Variants in BOC observed in about 807,000 individuals in gnomAD.
BOC encodes BOC cell adhesion associated, oncogene regulated, also known as brother of CDO.
Under a neutral mutation model 112.0 loss-of-function variants are expected in BOC, and 76 were observed. The ratio of observed to expected loss-of-function variants is 0.68; its 90% CI spans 0.56 to 0.82. The LOEUF (loss-of-function observed/expected upper bound fraction) is 0.82, where lower values mean the gene tolerates loss of function less well. Ranked by LOEUF, BOC falls within the 40% of genes least tolerant of loss-of-function variation. The probability of loss-of-function intolerance (pLI) is 0.00; values close to 1 mark genes in which losing one functional copy is unlikely to be tolerated. For synonymous variants in BOC, 580 were observed against 599.8 expected (o/e 0.97, Z 0.48); for missense variants, 1,309 against 1,511.7 (o/e 0.87, Z 2.22).
intron 1 of BOC, 106 bp downstream of exon 1, chr3:113,212,122 A>C (rs1346981606): frequency 6.6e-6 from 1 of 151,526 alleles, no homozygotes; most frequent in African/African-American, 2.4e-5. Flanking sequence ...AGGCAGCGCC[A>C]GCGAGTGGCT....
intron 2 of BOC, among the ~76,000 whole-genome samples, chr3:113,229,533 G>C (rs978618906): frequency 6.6e-6 from 1 of 152,146 alleles, no homozygotes; most frequent in Non-Finnish European, 1.5e-5. Context: ...TGTAGAGGCC[G>C]CCTTGGCCCC....
intron 2 of BOC, among the ~76,000 whole-genome samples, chr3:113,235,438 T>C (rs1943296669): frequency 6.6e-6 from 1 of 152,170 alleles, no homozygotes; most frequent in Non-Finnish European, 1.5e-5. Flanking sequence ...TATAGGGGTA[T>C]GTTTTCCTTT....
chr3:113,250,287 A>G (rs1455499769), intron 3 of BOC, among the ~76,000 whole-genome samples: 1 of 152,228 alleles, frequency 6.6e-6, no homozygotes, highest in African/African-American at 2.4e-5. Context: ...CTAGAGTCAC[A>G]TGGCTCAGAA....
intron 4 of BOC, among the ~76,000 whole-genome samples, chr3:113,254,002 G>A (rs74414190): frequency 0.031 from 4,694 of 152,276 alleles, 124 homozygotes; most frequent in Admixed American, 0.06. Context: ...TTGGAGAGTG[G>A]AAGATTTATC....
At chr3:113,284,264 C>T in intron 16 of BOC, 71 bp from the exon 17 acceptor site, 1 of 1,343,708 alleles carries the variant, frequency 7.4e-7, no homozygotes, top group Non-Finnish European at 1.1e-6. Context: ...TCCTGAGATC[C>T]TTGTGGGGCT....
chr3:113,278,881 A>G lies in BOC; in HGVS notation c.1816+98A>G. 9.6e-7 allele frequency: 1 copy of G among 1,038,842 alleles called. No individual in the cohort carries two copies. The highest frequency in any genetic ancestry group is 1.4e-5 in the South Asian group (1 of 69,746). 64.4% of individuals were successfully genotyped at this position (1,038,842 alleles called of 1,614,324 possible). Reference sequence around the variant, plus strand: ...AATGGGGTCTTGCTTCTGTAGGTCCAGGGTTTTTATGACATCTCCCAGTTA... The same window carrying G: ...AATGGGGTCTTGCTTCTGTAGGTCCGGGGTTTTTATGACATCTCCCAGTTA... On this transcript the variant is annotated intron_variant, in intron 11 of 19. Coordinates refer to ENST00000682979, the MANE Select transcript of BOC (RefSeq NM_001378074.1). This position sits in a 1 kb window ranked among gnomAD's most constrained non-coding sequence, Gnocchi z 4.2.
intron 2 of BOC, among the ~76,000 whole-genome samples, chr3:113,217,636 G>A (rs563165087): frequency 2.6e-5 from 4 of 152,232 alleles, no homozygotes; most frequent in Admixed American, 2.0e-4. Context: ...GGGACCAATA[G>A]TACCAAAGTG....
chr3:113,246,511 A>G lies in BOC; in HGVS notation c.-81-3211A>G, dbSNP rs149548192. Among the ~76,000 whole-genome samples, 935 of 152,358 alleles carry G rather than the reference A, an allele frequency of 6.1e-3. 12 individuals are homozygous for G. Among genetic ancestry groups the G allele is most frequent in the African/African-American group, 0.022 (903 of 41,578 alleles). ...AAACATTAAAATAAAGTTCTCAGGT[A>G]ACTGAAATCTCTAGAATTATCTTTC... On this transcript the variant is annotated intron_variant, in intron 2 of 19. Coordinates refer to ENST00000682979, the MANE Select transcript of BOC (RefSeq NM_001378074.1).
At chr3:113,232,428 A>C (rs564582920) in intron 2 of BOC, among the ~76,000 whole-genome samples, 1 of 152,332 alleles carries the variant, frequency 6.6e-6, no homozygotes, top group East Asian at 1.9e-4. Flanking sequence ...GAAGTTGGGG[A>C]CTGAATGTGT....
intron 4 of BOC, among the ~76,000 whole-genome samples, chr3:113,254,696 G>C (rs1181179104): frequency 6.6e-6 from 1 of 152,212 alleles, no homozygotes; most frequent in Non-Finnish European, 1.5e-5. Context: ...TCTTCTCCAC[G>C]CTGTCCCATG....
chr3:113,283,928 C>G (rs1949430278), intron 16 of BOC, among the ~76,000 whole-genome samples: 1 of 152,108 alleles, frequency 6.6e-6, no homozygotes, highest in Admixed American at 6.5e-5. Context: ...TTCCTACTTA[C>G]AGTCCATCCT....
At chr3:113,280,841 C>T (rs1035262132) in intron 14 of BOC, among the ~76,000 whole-genome samples, 178 bp downstream of exon 14, 4 of 152,150 alleles carry the variant, frequency 2.6e-5, no homozygotes, top group African/African-American at 9.7e-5. Flanking sequence ...ACTTCATGAA[C>T]CCATGTGATG....
intron 2 of BOC, among the ~76,000 whole-genome samples, chr3:113,249,327 G>A (rs1428316665): frequency 6.6e-6 from 1 of 152,192 alleles, no homozygotes; most frequent in East Asian, 1.9e-4. Context: ...CTGGCCTTTT[G>A]CAAGCAAATG....
rs11455670 is a variant in BOC, at chr3:113,260,667, T to TAGAACAGAACAGAAC, written c.377-7592_377-7578dup. 5.5e-4 allele frequency among the ~76,000 whole-genome samples: 69 copies of TAGAACAGAACAGAAC among 126,406 alleles called. 1 individual carries two copies. Among genetic ancestry groups the TAGAACAGAACAGAAC allele is most frequent in the African/African-American group, 6.7e-4 (21 of 31,354 alleles). The allele number at this position is 126,406 out of a possible 152,430, so 82.9% of individuals were successfully genotyped here. A position where few individuals can be genotyped will look rare whatever the true frequency, so the allele number is the denominator to read the frequency against. ...GGCATTAGATTCTATTAGAATAGAA[T>TAGAACAGAACAGAAC]AGAACAGAACAGAACAGAACAGAAC... On this transcript the variant is annotated intron_variant, in intron 4 of 19. Transcript: ENST00000682979.
At chr3:113,222,797 G>T (rs931788784) in intron 2 of BOC, among the ~76,000 whole-genome samples, 1 of 152,210 alleles carries the variant, frequency 6.6e-6, no homozygotes, top group Non-Finnish European at 1.5e-5. Flanking sequence ...CATCCACTTT[G>T]CCGCCCTCCT....
At chr3:113,275,002 G>C (rs1177893454) in intron 9 of BOC, among the ~76,000 whole-genome samples, 1 of 152,146 alleles carries the variant, frequency 6.6e-6, no homozygotes, top group African/African-American at 2.4e-5. Flanking sequence ...CAGTCTCCCT[G>C]GTAACCATCA....
intron 2 of BOC, among the ~76,000 whole-genome samples, chr3:113,224,404 C>A (rs1352305746): frequency 1.3e-5 from 2 of 152,106 alleles, no homozygotes; most frequent in Non-Finnish European, 2.9e-5. Context: ...GTGACAGAAC[C>A]CCCAGGATTC....
intron 4 of BOC, among the ~76,000 whole-genome samples, chr3:113,265,453 C>T (rs1332183654): frequency 6.6e-6 from 1 of 152,120 alleles, no homozygotes; most frequent in East Asian, 1.9e-4. Context: ...TTCCAGATGC[C>T]CCTGAGCTCA....
chr3:113,249,744 T>C lies in BOC; in HGVS notation c.-59T>C. ...CAGAGTGTTGCCAGGGACGGCAGTA[T>C]CTCTTTGTGTGACCCTGGCGGCTTA... On this transcript the variant is annotated 5_prime_UTR_variant, in exon 3 of 20. Coordinates refer to ENST00000682979, the MANE Select transcript of BOC (RefSeq NM_001378074.1). 7.1e-7 allele frequency: 1 copy of C among 1,413,286 alleles called. No individual in the cohort carries two copies. 87.5% of individuals were successfully genotyped at this position (1,413,286 alleles called of 1,614,324 possible).
Sources: allele counts gnomAD v4.1 joint callset (sites outside exome capture counted in the v4.1 genomes callset), GRCh38; gene constraint gnomAD v4.1.1; non-coding constraint Gnocchi (gnomAD v3.1); transcripts MANE v1.5; gene names NCBI Gene and HGNC (gene_info 2026-07-23, HGNC 2026-07-21).